POLH: variants seen among roughly 807,000 people sequenced by gnomAD.
POLH encodes the protein DNA polymerase eta.
In POLH, 53 loss-of-function variants were observed where a neutral mutation model predicts 73.6. That is an observed-to-expected ratio of 0.72 (90% CI 0.58 to 0.91). POLH has a LOEUF of 0.91. POLH is among the 40% of genes least tolerant of loss of function. The probability of loss-of-function intolerance (pLI) is 0.00; values close to 1 mark genes in which losing one functional copy is unlikely to be tolerated. For synonymous variants in POLH, 292 were observed against 308.5 expected (o/e 0.95, Z 0.56); for missense variants, 768 against 865.4 (o/e 0.89, Z 1.41).
At chr6:43,585,499 A>C (rs1469173132) in intron 3 of POLH, among the ~76,000 whole-genome samples, 2 of 152,188 alleles carry the variant, frequency 1.3e-5, no homozygotes, top group East Asian at 3.8e-4. Context: ...ATTAGCATAC[A>C]AAAAGACAAA....
rs59061501 is a variant in POLH, at chr6:43,614,928, A to G, written c.*371A>G. The G allele has an allele frequency of 4.8e-3, 1,091 of 225,610 alleles. 20 individuals carry two copies. Among genetic ancestry groups the G allele is most frequent in the African/African-American group, 0.024 (1,027 of 43,266 alleles). The allele number at this position is 225,610 out of a possible 1,614,324, so 14.0% of individuals were successfully genotyped here. ...CTTCACATTCTCATCTGTAAAATGG[A>G]GATAATACCTTACAGATTATTGCAG... On this transcript the variant is annotated 3_prime_UTR_variant, in exon 11 of 11. Coordinates refer to ENST00000372236, the MANE Select transcript of POLH (RefSeq NM_006502.3).
chr6:43,609,332 T>C (rs1307173638), intron 9 of POLH, among the ~76,000 whole-genome samples: 1 of 152,238 alleles, frequency 6.6e-6, no homozygotes, highest in Non-Finnish European at 1.5e-5. Flanking sequence ...ATAATTTTGG[T>C]CAACAAGGAC....
At chr6:43,609,940 A>AAAT (rs1231538392) in intron 9 of POLH, among the ~76,000 whole-genome samples, 1 of 152,076 alleles carries the variant, frequency 6.6e-6, no homozygotes, top group African/African-American at 2.4e-5. Context: ...TCCATAATCC[A>AAAT]AATTATGTCT....
chr6:43,610,648 A>G lies in POLH; in HGVS notation c.1169A>G (p.Tyr390Cys), dbSNP rs1478524878. Residue 390 changes from tyrosine (Y) to cysteine (C), a missense_variant, in exon 10 of 11, where the codon TAT (tyrosine) becomes TGT (cysteine). Tyr to Cys is a radical substitution (Grantham distance 194, BLOSUM62 -2). Coordinates refer to ENST00000372236, the MANE Select transcript of POLH (RefSeq NM_006502.3). ...CGCCGCTGCTGTGCCCTTACCCGCTATGATGCTCACAAGATGAGCCATGAT... is the reference window on the plus strand; with the variant it reads ...CGCCGCTGCTGTGCCCTTACCCGCTGTGATGCTCACAAGATGAGCCATGAT... ...SLRRCCALTR[Y>C]DAHKMSHDAF... 3 of 1,613,676 alleles carry G rather than the reference A, an allele frequency of 1.9e-6. No individual in the cohort carries two copies. Among genetic ancestry groups the G allele is most frequent in the African/African-American group, 1.3e-5 (1 of 74,902 alleles).
chr6:43,600,918 G>C, intron 5 of POLH, 70 bp from the exon 6 acceptor site: 1 of 898,862 alleles, frequency 1.1e-6, no homozygotes, highest in Non-Finnish European at 1.9e-6. Flanking sequence ...TGTATGTTAT[G>C]TGTATGTTTA....
At chr6:43,596,821 T>C (rs1240204550) in intron 4 of POLH, among the ~76,000 whole-genome samples, 2 of 152,088 alleles carry the variant, frequency 1.3e-5, no homozygotes, top group Non-Finnish European at 2.9e-5. Flanking sequence ...GGGATAAAGA[T>C]TTGTATGTAC....
Position 43,618,162 on chromosome 6 carries a change from A to C in POLH, c.*3605A>C, listed in dbSNP as rs1303232440. On this transcript the variant is annotated 3_prime_UTR_variant, in exon 11 of 11. Coordinates refer to ENST00000372236, the MANE Select transcript of POLH (RefSeq NM_006502.3). Reference sequence around the variant, plus strand: ...TCCATGTTTATACTACTGTATTATTATTATTTTTTTTTGAGATGGAGTCTC... The same window carrying C: ...TCCATGTTTATACTACTGTATTATTCTTATTTTTTTTTGAGATGGAGTCTC... Among the ~76,000 whole-genome samples, 2 of 151,778 alleles carry C rather than the reference A, an allele frequency of 1.3e-5. No homozygotes were observed. The highest frequency in any genetic ancestry group is 4.8e-5 in the African/African-American group (2 of 41,318).
In POLH at chr6:43,617,495, C is replaced by T. The variant is rs905726291; in HGVS notation, c.*2938C>T. ...AACAAAAATTAGGTGTGTGTGGTGA[C>T]GCATGCGTGTAATCCCAGCTACTTA... On this transcript the variant is annotated 3_prime_UTR_variant, in exon 11 of 11. Transcript: ENST00000372236. 5.3e-5 allele frequency among the ~76,000 whole-genome samples: 8 copies of T among 149,958 alleles called. No homozygotes were observed. The highest frequency in any genetic ancestry group is 3.8e-3 in the Middle Eastern group (1 of 264).
intron 7 of POLH, among the ~76,000 whole-genome samples, chr6:43,604,412 C>T (rs1304411425): frequency 6.6e-6 from 1 of 152,136 alleles, no homozygotes; most frequent in African/African-American, 2.4e-5. Flanking sequence ...AAGACAAAAC[C>T]AGTGTTCTCA....
chr6:43,579,448 C>T (rs185105722), intron 1 of POLH, among the ~76,000 whole-genome samples: 20 of 152,264 alleles, frequency 1.3e-4, no homozygotes, highest in African/African-American at 3.9e-4. Context: ...GGAGAGGGTT[C>T]GAAGAGCTGC....
Position 43,614,671 on chromosome 6 carries a change from TACAA to T in POLH, c.*116_*119del. The T allele has an allele frequency of 1.0e-6, 1 of 963,284 alleles. No individual in the cohort carries two copies. The highest frequency in any genetic ancestry group is 1.6e-5 in the South Asian group (1 of 64,020). 59.7% of individuals were successfully genotyped at this position (963,284 alleles called of 1,614,324 possible). On this transcript the variant is annotated 3_prime_UTR_variant, in exon 11 of 11. Coordinates refer to ENST00000372236, the MANE Select transcript of POLH (RefSeq NM_006502.3). Reference sequence around the variant, plus strand: ...AGAAAGGGAATTATGAAATTTTTAATACAAAAAATAATCCATTTAGGTGCTGAGT... The same window carrying T: ...AGAAAGGGAATTATGAAATTTTTAATAAAATAATCCATTTAGGTGCTGAGT...
At chr6:43,586,429 C>T (rs541734013) in intron 3 of POLH, among the ~76,000 whole-genome samples, 4 of 152,158 alleles carry the variant, frequency 2.6e-5, no homozygotes, top group South Asian at 2.1e-4. Flanking sequence ...TGCAGTGAGG[C>T]GAGATGCCAC....
Position 43,614,313 on chromosome 6 carries a change from T to G in POLH, c.1898T>G (p.Val633Gly). 1 of 1,602,952 alleles carries G rather than the reference T, an allele frequency of 6.2e-7. No individual in the cohort carries two copies. Among genetic ancestry groups the G allele is most frequent in the Non-Finnish European group, 8.5e-7 (1 of 1,172,534 alleles). Residue 633 changes from valine to glycine, a missense_variant, in exon 11 of 11, where the codon GTG becomes GGG. Physicochemically the swap from Val to Gly is moderately radical, Grantham distance 109. Coordinates refer to ENST00000372236, the MANE Select transcript of POLH (RefSeq NM_006502.3). ...NPSLLAAEDQ[V>G]PCEKCGSLVP... ...AGTCTTCTAGCTGCTGAGGACCAAG[T>G]GCCCTGTGAGAAGTGTGGCTCCCTG...
chr6:43,607,624 T>C (rs1767443753), intron 9 of POLH, among the ~76,000 whole-genome samples: 1 of 152,216 alleles, frequency 6.6e-6, no homozygotes, highest in Non-Finnish European at 1.5e-5. Context: ...ATGTTTAGCA[T>C]TTTGAGGAAT....
chr6:43,583,129 C>CT lies in POLH; in HGVS notation c.261dup (p.Asn88Ter). 1 of 1,613,928 alleles carries CT rather than the reference C, an allele frequency of 6.2e-7. No homozygotes were observed. The highest frequency in any genetic ancestry group is 8.5e-7 in the Non-Finnish European group (1 of 1,179,886). On this transcript the variant is annotated frameshift_variant, in exon 3 of 11. Coordinates refer to ENST00000372236, the MANE Select transcript of POLH (RefSeq NM_006502.3). LOFTEE classifies it high-confidence loss of function. ...CAAGTTCGTGAGTCCCGTGGGAAAGCTAACCTCACCAAGTAAGAAAAAAAC... is the reference window on the plus strand; with the variant it reads ...CAAGTTCGTGAGTCCCGTGGGAAAGCTTAACCTCACCAAGTAAGAAAAAAAC...
In POLH at chr6:43,616,566, G is replaced by A. The variant is rs1319209405; in HGVS notation, c.*2009G>A. 6.7e-6 allele frequency among the ~76,000 whole-genome samples: 1 copy of A among 148,346 alleles called. No individual in the cohort carries two copies. The highest frequency in any genetic ancestry group is 1.5e-5 in the Non-Finnish European group (1 of 67,486). ...ATCACACCAATGCACTCCAGCCAGGGTGAGAGTGAGAGACTGTCTCAAAAA... is the reference window on the plus strand; with the variant it reads ...ATCACACCAATGCACTCCAGCCAGGATGAGAGTGAGAGACTGTCTCAAAAA... On this transcript the variant is annotated 3_prime_UTR_variant, in exon 11 of 11. Transcript: ENST00000372236.
intron 3 of POLH, among the ~76,000 whole-genome samples, chr6:43,587,049 G>C (rs975783475): frequency 2.6e-5 from 4 of 152,130 alleles, no homozygotes; most frequent in African/African-American, 4.8e-5. Flanking sequence ...TTCTGGCATT[G>C]TGCTAAAAAT....
rs1327786552 is a variant in POLH, at chr6:43,616,064, G to A, written c.*1507G>A. 1.3e-5 allele frequency among the ~76,000 whole-genome samples: 2 copies of A among 151,994 alleles called. No individual in the cohort carries two copies. The highest frequency in any genetic ancestry group is 2.1e-4 in the South Asian group (1 of 4,816). On this transcript the variant is annotated 3_prime_UTR_variant, in exon 11 of 11. Coordinates refer to ENST00000372236, the MANE Select transcript of POLH (RefSeq NM_006502.3). ...AGCACTTTGGGAGGCCGAGGCGGGCGGATCACAAGGTCAGGAGATCGAGAC... is the reference window on the plus strand; with the variant it reads ...AGCACTTTGGGAGGCCGAGGCGGGCAGATCACAAGGTCAGGAGATCGAGAC...
At chr6:43,581,972 A>C (rs1430921896) in intron 1 of POLH, among the ~76,000 whole-genome samples, 1 of 152,120 alleles carries the variant, frequency 6.6e-6, no homozygotes, top group African/African-American at 2.4e-5. Flanking sequence ...CTGAAATTTG[A>C]AATCTTCCAA....
Sources: allele counts gnomAD v4.1 joint callset (sites outside exome capture counted in the v4.1 genomes callset), GRCh38; gene constraint gnomAD v4.1.1; transcripts MANE v1.5; gene names NCBI Gene and HGNC (gene_info 2026-07-23, HGNC 2026-07-21).